The following CCDC187 variants were observed in gnomAD, a reference collection of about 807,000 sequenced individuals.
CCDC187 encodes the protein coiled-coil domain-containing protein 187.
A neutral mutation model predicts 38.0 loss-of-function variants in CCDC187; 32 were observed. The ratio of observed to expected loss-of-function variants is 0.84; its 90% CI spans 0.64 to 1.13. The LOEUF is 1.13. Ranked by LOEUF, CCDC187 falls within the 50% of genes most tolerant of loss-of-function variation. CCDC187 has a pLI of 0.00. For synonymous variants in CCDC187, 333 were observed against 347.9 expected (o/e 0.96, Z 0.48); for missense variants, 707 against 786.8 (o/e 0.90, Z 1.21).
In CCDC187 at chr9:136,258,077, AGCAAGCTTCACGGT is replaced by A. The variant is rs1830635827; in HGVS notation, c.4366+841_4366+854del. Among the ~76,000 whole-genome samples, 3 of 152,076 alleles carry A rather than the reference AGCAAGCTTCACGGT, an allele frequency of 2.0e-5. No individual in the cohort carries two copies. Among genetic ancestry groups the A allele is most frequent in the African/African-American group, 7.2e-5 (3 of 41,388 alleles). On this transcript the variant is annotated intron_variant, in intron 22 of 25. Transcript: ENST00000638797. This position sits in a 1 kb window ranked among gnomAD's most constrained non-coding sequence, Gnocchi z 4.3. Reference sequence around the variant, plus strand: ...ATGCGGCGAGGGAGGCTTCAGGCTGAGCAAGCTTCACGGTGGCCGCAGAAGCCTGAACAGCGCAG... The same window carrying A: ...ATGCGGCGAGGGAGGCTTCAGGCTGAGGCCGCAGAAGCCTGAACAGCGCAG...
chr9:136,293,832 CCA>C (rs1435836015), intron 4 of CCDC187, among the ~76,000 whole-genome samples: 1 of 132,668 alleles, frequency 7.5e-6, no homozygotes. Context: ...ACTCACACTA[CCA>C]CACACTCGTT....
chr9:136,279,006 A>G (rs1830986052), intron 10 of CCDC187, among the ~76,000 whole-genome samples: 1 of 152,250 alleles, frequency 6.6e-6, no homozygotes, highest in Non-Finnish European at 1.5e-5. Flanking sequence ...TACATGTTTA[A>G]GTCTAGAAGC....
At chr9:136,303,339 G>C (rs1831736509) in intron 1 of CCDC187, 46 bp from the exon 2 acceptor site, 1 of 395,908 alleles carries the variant, frequency 2.5e-6, no homozygotes, top group African/African-American at 2.1e-5. Context: ...CAGGCGCAGA[G>C]GTGCCGAGCA....
chr9:136,275,540 T>G (rs1830915691), intron 12 of CCDC187, among the ~76,000 whole-genome samples: 2 of 152,036 alleles, frequency 1.3e-5, no homozygotes, highest in Non-Finnish European at 1.5e-5. Context: ...CCCCCCAACA[T>G]GTACCGTGGA....
upstream of CCDC187, among the ~76,000 whole-genome samples, chr9:136,304,635 C>A (rs1831770041): frequency 6.6e-6 from 1 of 151,644 alleles, no homozygotes; most frequent in South Asian, 2.1e-4. Flanking sequence ...CTCTGCAGTC[C>A]CTGAGGGGAA....
chr9:136,294,110 TCA>T (rs1175055748), intron 4 of CCDC187, among the ~76,000 whole-genome samples: 703 of 52,214 alleles, frequency 0.013, 11 homozygotes, highest in Admixed American at 0.06. Flanking sequence ...GTGCTCACAC[TCA>T]CACACTCTCA....
chr9:136,289,117 T>A (rs1831249800), intron 7 of CCDC187, among the ~76,000 whole-genome samples: 2 of 152,104 alleles, frequency 1.3e-5, no homozygotes, highest in African/African-American at 2.4e-5. Flanking sequence ...AGCTGCAACA[T>A]GAATGAGCCT....
At position 136,254,835 on chromosome 9, in the gene CCDC187, G is replaced by A; in HGVS notation, c.4993C>T (p.Pro1665Ser). The A allele has an allele frequency of 1.0e-6, 1 of 985,404 alleles. No homozygotes were observed. The highest frequency in any genetic ancestry group is 1.2e-6 in the Non-Finnish European group (1 of 829,950). The allele number at this position is 985,404 out of a possible 1,614,324, so 61.0% of individuals were successfully genotyped here. A position where few individuals can be genotyped will look rare whatever the true frequency, so the allele number is the denominator to read the frequency against. ...GAGTGTCGGGCAGAGAGCTCTCCAG[G>A]CCAGCTGAAACCTTCGTCTGGGGAG... ...EDSPDEGFSW[P>S]GELSARHSSG... The change falls in exon 26 of 26, where the codon CCT becomes TCT. Residue 1665 changes from proline (P) to serine (S), a missense_variant. Transcript: ENST00000638797.
chr9:136,289,518 CAAAAAAAAAAAAAA>C (rs878962393), intron 7 of CCDC187, among the ~76,000 whole-genome samples: 1 of 67,296 alleles, frequency 1.5e-5, no homozygotes, highest in Non-Finnish European at 2.7e-5. Context: ...AACTCCATCT[CAAAAAAAAAAAAAA>C]AAAAAAAAAA....
intron 9 of CCDC187, among the ~76,000 whole-genome samples, chr9:136,284,748 G>C (rs1831132436): frequency 6.6e-6 from 1 of 152,142 alleles, no homozygotes; most frequent in African/African-American, 2.4e-5. Flanking sequence ...TTTTTCAGGA[G>C]AGGAGATCCA....
Position 136,263,682 on chromosome 9 carries a change from GAT to G in CCDC187, c.3850_3851del (p.Ile1284ProfsTer75), listed in dbSNP as rs1830707217. On this transcript the variant is annotated frameshift_variant, in exon 18 of 26. Transcript: ENST00000638797. LOFTEE classifies it high-confidence loss of function. ...CTGGGACGACGTCCGTGGGCCCCGG[GAT>G]GGGGAGGATGTCCACAGGCCCCGGC... ...SMPGPVDILP[I>X]PGPTDVVPAH... The G allele has an allele frequency of 1.0e-6, 1 of 985,338 alleles. No individual in the cohort carries two copies. The allele number at this position is 985,338 out of a possible 1,614,324, so 61.0% of individuals were successfully genotyped here. A position where few individuals can be genotyped will look rare whatever the true frequency, so the allele number is the denominator to read the frequency against.
In CCDC187 at chr9:136,298,190, G is replaced by A. The variant is rs1032777708; in HGVS notation, c.725-369C>T. ...GAATCCAGCACCCAGCTGGGGGCCC[G>A]GGCCATGGGCACTCAGGACTGTTTG... On this transcript the variant is annotated intron_variant, in intron 3 of 25. Transcript: ENST00000638797. 8.5e-3 allele frequency among the ~76,000 whole-genome samples: 1,302 copies of A among 152,324 alleles called. 8 individuals are homozygous for A. The highest frequency in any genetic ancestry group is 0.029 in the African/African-American group (1,220 of 41,568).
chr9:136,299,901 C>A (rs1831633024), intron 3 of CCDC187, among the ~76,000 whole-genome samples: 1 of 152,240 alleles, frequency 6.6e-6, no homozygotes, highest in Non-Finnish European at 1.5e-5. Flanking sequence ...TGCAGCCACA[C>A]AGAAAACTCC....
intron 9 of CCDC187, among the ~76,000 whole-genome samples, chr9:136,284,376 T>C (rs1304975688): frequency 4.6e-5 from 7 of 152,172 alleles, no homozygotes; most frequent in South Asian, 4.2e-4. Flanking sequence ...TGGCCACGCA[T>C]TGAGGGTGCA....
chr9:136,259,389 C>A lies in CCDC187; in HGVS notation c.4270G>T (p.Gly1424Ter). Residue 1424 changes from glycine (G) to a stop codon, truncating the protein, a stop_gained, in exon 21 of 26, where the codon GGA becomes TGA. Transcript: ENST00000638797. LOFTEE classifies it high-confidence loss of function. ...LGLQHVSPPDGQRLGPAFPAE... is the reference protein window; with the variant it reads ...LGLQHVSPPD Reference sequence around the variant, plus strand: ...GGAAAGGCTGGGCCCAGCCGCTGTCCGTCCGGGGGGCTCACGTGCTGCAGG... The same window carrying A: ...GGAAAGGCTGGGCCCAGCCGCTGTCAGTCCGGGGGGCTCACGTGCTGCAGG... 3.0e-6 allele frequency: 3 copies of A among 984,988 alleles called. No individual in the cohort carries two copies. The highest frequency in any genetic ancestry group is 3.6e-6 in the Non-Finnish European group (3 of 829,912). The allele number at this position is 984,988 out of a possible 1,614,324, so 61.0% of individuals were successfully genotyped here.
chr9:136,283,155 G>A (rs1249425927), intron 9 of CCDC187, among the ~76,000 whole-genome samples: 10 of 152,184 alleles, frequency 6.6e-5, no homozygotes, highest in South Asian at 4.1e-4. Context: ...AGGCTGAGGC[G>A]GGAGAATCGC....
chr9:136,265,697 T>A (rs1459965052), intron 17 of CCDC187: 1 of 152,582 alleles, frequency 6.6e-6, no homozygotes, highest in Non-Finnish European at 1.5e-5. Context: ...AGGGCCACCC[T>A]CCACTCTGGC....
rs1830646584 is a variant in CCDC187 at position 136,258,834 on chromosome 9, T to C, written c.4366+98A>G. ...GCCCATCTTCTTTGCTTTCCGTCCTTGTCCAGTGGCTGAGCTCCAGCCTCG... is the reference window on the plus strand; with the variant it reads ...GCCCATCTTCTTTGCTTTCCGTCCTCGTCCAGTGGCTGAGCTCCAGCCTCG... On this transcript the variant is annotated intron_variant, in intron 22 of 25. Coordinates refer to ENST00000638797, the MANE Select transcript of CCDC187 (RefSeq NM_001378188.1). The surrounding 1 kb of genome is among the most constrained non-coding windows in gnomAD (Gnocchi z 4.3). 2.0e-6 allele frequency: 2 copies of C among 985,538 alleles called. No individual in the cohort carries two copies. The highest frequency in any genetic ancestry group is 1.1e-4 in the East Asian group (1 of 8,792). 61.0% of individuals were successfully genotyped at this position (985,538 alleles called of 1,614,324 possible). A position where few individuals can be genotyped will look rare whatever the true frequency, so the allele number is the denominator to read the frequency against.
intron 12 of CCDC187, 137 bp downstream of exon 12, chr9:136,276,057 G>A (rs1324221529): frequency 6.6e-6 from 1 of 152,212 alleles, no homozygotes; most frequent in African/African-American, 2.4e-5. Context: ...GGGAGCTCTA[G>A]CCTCTGGCTT....
Sources: gnomAD v4.1 joint callset for allele counts (sites outside exome capture counted in the v4.1 genomes callset) on GRCh38, gnomAD v4.1.1 for gene constraint, Gnocchi (gnomAD v3.1) non-coding constraint, MANE v1.5 for transcripts, NCBI Gene and HGNC (gene_info 2026-07-23, HGNC 2026-07-21) for gene names.